ZNF254: variants seen among roughly 807,000 people sequenced by gnomAD.
ZNF254 encodes CTD-2017D11.1.
In ZNF254, 10 loss-of-function variants were observed where a neutral mutation model predicts 12.4. The ratio of observed to expected loss-of-function variants is 0.80; its 90% confidence interval spans 0.50 to 1.36. The LOEUF (loss-of-function observed/expected upper bound fraction) is 1.36. Ranked by LOEUF, ZNF254 falls within the 40% of genes most tolerant of loss-of-function variation. The pLI is 0.00. For missense variants in ZNF254, 996 were observed against 763.9 expected, an observed-to-expected ratio of 1.30 and a Z score of -3.58; for synonymous variants, 305 against 253.4, an observed-to-expected ratio of 1.20 and a Z score of -1.93.
At chr19:24,100,682 CTT>C (rs201165548) in intron 1 of ZNF254, among the ~76,000 whole-genome samples, 128 of 133,314 alleles carry the variant, frequency 9.6e-4, no homozygotes, top group Non-Finnish European at 1.0e-3. Flanking sequence ...GTCTCTCTCT[CTT>C]TTTTTTTTTT....
chr19:24,119,756 C>T (rs903936345), intron 3 of ZNF254, among the ~76,000 whole-genome samples: 1 of 151,898 alleles, frequency 6.6e-6, no homozygotes, highest in Non-Finnish European at 1.5e-5. Context: ...CTCCCAAAGT[C>T]CTGAGATTAC....
At chr19:24,072,136 T>G (rs1971503402) in intron 2 of ZNF254, among the ~76,000 whole-genome samples, 2 of 151,804 alleles carry the variant, frequency 1.3e-5, no homozygotes, top group Admixed American at 1.3e-4. Flanking sequence ...GGACCCAGCA[T>G]CTGGTGGTAC....
At chr19:24,068,891 G>C (rs920621719) in intron 2 of ZNF254, among the ~76,000 whole-genome samples, 3 of 152,160 alleles carry the variant, frequency 2.0e-5, no homozygotes, top group Non-Finnish European at 4.4e-5. Context: ...ATAATCCTTA[G>C]TCTCCTCTTT....
At position 24,127,377 on chromosome 19, in the gene ZNF254, G is replaced by A. The variant is rs779328117; in HGVS notation, c.1377G>A (p.Glu459=). Residue 459 remains glutamate, a synonymous_variant, in exon 4 of 4, where the codon GAG becomes GAA. Transcript: ENST00000357002. ...LTKHKRIHTR[E]KPYKCEECGK... ...AACATAAGAGAATTCATACTAGAGA[G>A]AAACCCTACAAATGTGAAGAATGTG... is the stretch of plus-strand genomic sequence containing the variant. 3.7e-6 allele frequency: 6 copies of A among 1,612,262 alleles called. No individual in the cohort carries two copies. In the African/African-American group the frequency reaches 8.0e-5, roughly 22 times the overall value.
At chr19:24,067,645 C>T (rs1971324986) in intron 2 of ZNF254, among the ~76,000 whole-genome samples, 1 of 152,034 alleles carries the variant, frequency 6.6e-6, no homozygotes, top group Non-Finnish European at 1.5e-5. Flanking sequence ...GGCTTGTCCT[C>T]TCAGAGGGTA....
chr19:24,109,647 T>G (rs1226039261), intron 3 of ZNF254, among the ~76,000 whole-genome samples: 2 of 152,250 alleles, frequency 1.3e-5, no homozygotes, highest in East Asian at 3.9e-4. Context: ...TGACCCAAAT[T>G]TGGTTATAGT....
At chr19:24,087,906 G>GTTTTTTTTTTTTTTTTTTT (rs766484656) in intron 1 of ZNF254, among the ~76,000 whole-genome samples, 3 of 126,362 alleles carry the variant, frequency 2.4e-5, no homozygotes, top group Non-Finnish European at 3.3e-5. Context: ...CTAGGTTGTC[G>GTTTTTTTTTTTTTTTTTTT]TTTTTTTTTT....
intron 1 of ZNF254, among the ~76,000 whole-genome samples, chr19:24,093,351 T>G (rs1599691015): frequency 1.3e-5 from 2 of 152,300 alleles, no homozygotes; most frequent in South Asian, 2.1e-4. Context: ...GTATCTTCAA[T>G]TATGAATTCT....
chr19:24,079,835 A>G (rs1971786302), intron 2 of ZNF254: 1 of 152,216 alleles, frequency 6.6e-6, no homozygotes, highest in Non-Finnish European at 1.5e-5. Context: ...GACTTGGAAG[A>G]AGAGATCATA....
intron 1 of ZNF254, 107 bp from the exon 2 acceptor site, chr19:24,105,833 C>T: frequency 6.7e-7 from 1 of 1,482,978 alleles, no homozygotes; most frequent in Non-Finnish European, 9.1e-7. Context: ...TTCAATCACT[C>T]TTATAAGTCA....
chr19:24,071,682 C>G (rs1277169665), intron 2 of ZNF254, among the ~76,000 whole-genome samples: 1 of 152,132 alleles, frequency 6.6e-6, no homozygotes, highest in African/African-American at 2.4e-5. Flanking sequence ...GCACTCCAGC[C>G]TGGGTGACAG....
chr19:24,033,911 T>G (rs749163167), intron 1 of ZNF254, among the ~76,000 whole-genome samples: 4 of 152,204 alleles, frequency 2.6e-5, no homozygotes, highest in Non-Finnish European at 4.4e-5. Flanking sequence ...GAATCCTGAC[T>G]TGGTGTGTGC....
intron 1 of ZNF254, among the ~76,000 whole-genome samples, chr19:24,045,502 T>C (rs932840031): frequency 6.6e-6 from 1 of 151,804 alleles, no homozygotes; most frequent in Non-Finnish European, 1.5e-5. Flanking sequence ...ACCCCGTCTC[T>C]ACTAAAAATA....
intron 2 of ZNF254, among the ~76,000 whole-genome samples, chr19:24,055,291 T>C (rs1970808228): frequency 6.6e-6 from 1 of 151,656 alleles, no homozygotes; most frequent in Admixed American, 6.6e-5. Context: ...TTTTCTTTTT[T>C]TCTTTTGAGA....
intron 3 of ZNF254, 29 bp from the exon 4 acceptor site, chr19:24,126,225 T>G: frequency 7.3e-7 from 1 of 1,364,418 alleles, no homozygotes; most frequent in Non-Finnish European, 9.5e-7. Context: ...GTAAGTGGAG[T>G]AATTTATTTA....
At chr19:24,054,105 C>G (rs1970751323) in intron 2 of ZNF254, among the ~76,000 whole-genome samples, 1 of 152,162 alleles carries the variant, frequency 6.6e-6, no homozygotes, top group Admixed American at 6.5e-5. Context: ...CTGCCCCTGT[C>G]TTGCCCCCAG....
chr19:24,071,378 A>AT (rs1487513815), intron 2 of ZNF254, among the ~76,000 whole-genome samples: 1 of 152,104 alleles, frequency 6.6e-6, no homozygotes. Context: ...TGATATGACT[A>AT]TTTTTTGTCT....
chr19:24,108,573 C>T (rs992155775), intron 3 of ZNF254, among the ~76,000 whole-genome samples: 1 of 152,080 alleles, frequency 6.6e-6, no homozygotes, highest in Non-Finnish European at 1.5e-5. Context: ...AGCAATTCTC[C>T]AACTTTCATG....
At chr19:24,078,341 C>T (rs1366077952) in intron 2 of ZNF254, 2 of 152,130 alleles carry the variant, frequency 1.3e-5, no homozygotes, top group African/African-American at 4.8e-5. Flanking sequence ...CATTTACTTT[C>T]TGACTAGCAG....
Sources: allele counts gnomAD v4.1 joint callset (sites outside exome capture counted in the v4.1 genomes callset), GRCh38; gene constraint gnomAD v4.1.1; transcripts MANE v1.5; gene names NCBI Gene and HGNC (gene_info 2026-07-23, HGNC 2026-07-21).